The following CPM variants were observed in gnomAD, a reference collection of about 807,000 sequenced individuals.
The protein encoded by CPM is renal carboxypeptidase.
In CPM, 35 loss-of-function variants were observed where a neutral mutation model predicts 46.4. The observed-to-expected ratio is 0.75, with a 90% CI of 0.58 to 1.00. The LOEUF (loss-of-function observed/expected upper bound fraction) is 1.00. CPM is among the 50% of genes least tolerant of loss of function. The pLI is 0.00. For synonymous variants in CPM, 195 were observed against 195.3 expected, an observed-to-expected ratio of 1.00 and a Z score of 0.01; for missense variants, 422 against 530.4, an observed-to-expected ratio of 0.80 and a Z score of 2.01.
chr12:68,862,151 A>G (rs1885244761), intron 7 of CPM, among the ~76,000 whole-genome samples: 1 of 139,242 alleles, frequency 7.2e-6, no homozygotes, highest in South Asian at 2.2e-4. Context: ...AGAAAAAGGA[A>G]GAACAATTTG....
intron 1 of CPM, 93 bp from the exon 2 acceptor site, chr12:68,932,933 T>A: frequency 8.7e-7 from 1 of 1,145,372 alleles, no homozygotes; most frequent in Non-Finnish European, 1.3e-6. Flanking sequence ...TCTCAGGGTC[T>A]CCCGACACTG....
At chr12:68,888,509 T>A (rs753840893) in intron 2 of CPM, among the ~76,000 whole-genome samples, 5 of 152,224 alleles carry the variant, frequency 3.3e-5, no homozygotes, top group African/African-American at 4.8e-5. Context: ...TTAACTGCCC[T>A]CTCCAGCTTA....
At chr12:68,871,534 G>A (rs1001391661) in intron 4 of CPM, among the ~76,000 whole-genome samples, 2 of 152,164 alleles carry the variant, frequency 1.3e-5, no homozygotes, top group Non-Finnish European at 2.9e-5. Context: ...GGAGGCAGGG[G>A]AGAGAGAAGG....
intron 2 of CPM, among the ~76,000 whole-genome samples, chr12:68,895,601 T>G (rs1038168218): frequency 2.0e-5 from 3 of 152,236 alleles, no homozygotes; most frequent in Admixed American, 6.5e-5. Flanking sequence ...ATTATACTTA[T>G]TGCTGATACC....
At chr12:68,949,296 G>A (rs998974244) in intron 1 of CPM, among the ~76,000 whole-genome samples, 4 of 152,206 alleles carry the variant, frequency 2.6e-5, no homozygotes, top group African/African-American at 4.8e-5. Context: ...GCTTGAGCCC[G>A]GGAGGTCAAG....
At chr12:68,901,650 G>A (rs1359067269) in intron 2 of CPM, among the ~76,000 whole-genome samples, 2 of 152,292 alleles carry the variant, frequency 1.3e-5, no homozygotes, top group African/African-American at 4.8e-5. Flanking sequence ...ATCTAGCAAA[G>A]GCCAAGTGAT....
At chr12:68,962,127 G>A (rs1889129356) in intron 1 of CPM, among the ~76,000 whole-genome samples, 1 of 151,148 alleles carries the variant, frequency 6.6e-6, no homozygotes, top group Admixed American at 6.6e-5. Flanking sequence ...GTGAACCTGG[G>A]AGGCGGAGCT....
intron 8 of CPM, 63 bp downstream of exon 8, chr12:68,858,860 G>T (rs1885088561): frequency 2.8e-6 from 3 of 1,073,518 alleles, no homozygotes; most frequent in Admixed American, 6.2e-5. Flanking sequence ...GATTCCTTCT[G>T]GGTGAATAAG....
At chr12:68,903,628 T>A (rs1396775016) in intron 2 of CPM, among the ~76,000 whole-genome samples, 3 of 152,344 alleles carry the variant, frequency 2.0e-5, no homozygotes, top group Admixed American at 6.5e-5. Flanking sequence ...CTTATCTTGA[T>A]CTTAGTTTGT....
chr12:68,858,573 G>A (rs901515481), intron 8 of CPM, among the ~76,000 whole-genome samples: 6 of 152,110 alleles, frequency 3.9e-5, no homozygotes, highest in African/African-American at 1.2e-4. Flanking sequence ...TGGAATGGGT[G>A]TTGTGTCGTA....
downstream of CPM, chr12:68,847,215 T>TATATATATATATATATATATA (rs1884379295): frequency 7.2e-6 from 1 of 139,510 alleles, no homozygotes; most frequent in Non-Finnish European, 1.5e-5. Flanking sequence ...TATATATACT[T>TATATATATATATATATATATA]TTTTTAGAGG....
rs1884847704 is a variant in CPM at position 68,853,926 on chromosome 12, C to T, written c.*2511G>A. 6.6e-6 allele frequency: 1 copy of T among 151,800 alleles called. No individual in the cohort carries two copies. The highest frequency in any genetic ancestry group is 2.1e-4 in the South Asian group (1 of 4,812). The allele number at this position is 151,800 out of a possible 1,614,324, so 9.4% of individuals were successfully genotyped here. On this transcript the variant is annotated 3_prime_UTR_variant, in exon 9 of 9. Transcript: ENST00000551568. ...TTCTTTTCTGTTTAGTGCTTTACCC[C>T]TTAATTCTTATAGGTAACGGTCTAA... is the stretch of plus-strand genomic sequence containing the variant.
downstream of CPM, chr12:68,848,578 TAAGA>T (rs1490963451): frequency 6.6e-6 from 1 of 152,242 alleles, no homozygotes; most frequent in East Asian, 1.9e-4. Flanking sequence ...GTCAGAATTG[TAAGA>T]GAGAGGGTCT....
At chr12:68,923,496 A>G (rs1405177139) in intron 2 of CPM, among the ~76,000 whole-genome samples, 1 of 152,166 alleles carries the variant, frequency 6.6e-6, no homozygotes, top group Admixed American at 6.5e-5. Context: ...CTTTTACACC[A>G]ATAGTTCTTA....
chr12:68,847,570 C>T (rs1192834761), downstream of CPM: 1 of 149,374 alleles, frequency 6.7e-6, no homozygotes, highest in Non-Finnish European at 1.5e-5. Flanking sequence ...TCTCCTGCCT[C>T]AGCCTCCCGA....
intron 7 of CPM, among the ~76,000 whole-genome samples, chr12:68,865,666 A>T (rs947466993): frequency 9.9e-5 from 15 of 151,976 alleles, no homozygotes; most frequent in African/African-American, 3.6e-4. Context: ...TCCATGTGGT[A>T]TCATAGCTAT....
At chr12:68,867,753 C>T (rs949715680) in intron 6 of CPM, among the ~76,000 whole-genome samples, 9 of 152,176 alleles carry the variant, frequency 5.9e-5, no homozygotes, top group Admixed American at 2.0e-4. Flanking sequence ...CAGAGGTGAA[C>T]GGCCCGGCCC....
Position 68,869,596 on chromosome 12 carries a change from C to T in CPM, c.617-101G>A, listed in dbSNP as rs927932293. The T allele has an allele frequency of 9.7e-6, 10 of 1,029,162 alleles. No homozygotes were observed. In the African/African-American group the frequency reaches 1.5e-4, roughly 15 times the overall value. 63.8% of individuals were successfully genotyped at this position (1,029,162 alleles called of 1,614,324 possible). Reference sequence around the variant, plus strand: ...GACATAATCGCATCACACACACATGCTCTAATTTCCCTAGAGAGAAATCCT... The same window carrying T: ...GACATAATCGCATCACACACACATGTTCTAATTTCCCTAGAGAGAAATCCT... On this transcript the variant is annotated intron_variant, in intron 5 of 8. Transcript: ENST00000551568.
intron 1 of CPM, among the ~76,000 whole-genome samples, chr12:68,948,167 A>G (rs1888877555): frequency 6.6e-6 from 1 of 152,182 alleles, no homozygotes; most frequent in African/African-American, 2.4e-5. Flanking sequence ...TGTCCCCTTG[A>G]TCTGTTCCCT....
Sources: allele counts gnomAD v4.1 joint callset (sites outside exome capture counted in the v4.1 genomes callset), GRCh38; gene constraint gnomAD v4.1.1; transcripts MANE v1.5; gene names NCBI Gene and HGNC (gene_info 2026-07-23, HGNC 2026-07-21).